SMC6: variants seen among roughly 807,000 people sequenced by gnomAD.
The protein encoded by SMC6 is structural maintenance of chromosomes 6.
Under a neutral mutation model 142.2 loss-of-function variants are expected in SMC6, and 79 were observed. That is an observed-to-expected ratio of 0.56 (90% CI 0.46 to 0.67). The LOEUF is 0.67. Among genes scored for constraint, SMC6 ranks in the 30% least tolerant of loss-of-function variants. SMC6 has a pLI of 0.00. For synonymous variants in SMC6, 411 were observed against 412.4 expected, an observed-to-expected ratio of 1.00 and a Z score of 0.04; for missense variants, 1,072 against 1,284.0, an observed-to-expected ratio of 0.83 and a Z score of 2.52.
intron 2 of SMC6, among the ~76,000 whole-genome samples, chr2:17,751,311 T>C (rs1211858653): frequency 1.3e-5 from 2 of 151,678 alleles, no homozygotes; most frequent in Non-Finnish European, 2.9e-5. Flanking sequence ...TGAAACCCCA[T>C]CTCTACTAAA....
intron 27 of SMC6, 127 bp downstream of exon 27, chr2:17,666,292 CA>C: frequency 1.6e-6 from 1 of 629,740 alleles, no homozygotes; most frequent in South Asian, 2.3e-5. Flanking sequence ...TCTCCTGAAC[CA>C]GTAGGGGAGC....
chr2:17,678,749 C>G (rs1162187978), intron 25 of SMC6, 110 bp downstream of exon 25: 1 of 740,014 alleles, frequency 1.4e-6, no homozygotes. Flanking sequence ...GCACTCCAGC[C>G]TGGGCAACAG....
intron 27 of SMC6, 117 bp downstream of exon 27, chr2:17,666,303 C>G (rs1014101295): frequency 8.7e-6 from 6 of 691,762 alleles, no homozygotes; most frequent in Admixed American, 2.8e-5. Flanking sequence ...AGTAGGGGAG[C>G]TAATTTTTAT....
chr2:17,740,294 T>G (rs1670376722), intron 4 of SMC6, among the ~76,000 whole-genome samples: 1 of 152,198 alleles, frequency 6.6e-6, no homozygotes, highest in Non-Finnish European at 1.5e-5. Context: ...GACTGAATGA[T>G]AAAGTAAGAA....
intron 4 of SMC6, among the ~76,000 whole-genome samples, chr2:17,739,855 C>CACACAG (rs1437660424): frequency 7.0e-6 from 1 of 143,410 alleles, no homozygotes; most frequent in Non-Finnish European, 1.5e-5. Flanking sequence ...GACACACACA[C>CACACAG]ACACACACAC....
chr2:17,677,872 G>A (rs867102076), intron 25 of SMC6, among the ~76,000 whole-genome samples: 12 of 152,198 alleles, frequency 7.9e-5, no homozygotes, highest in Middle Eastern at 6.8e-3. Flanking sequence ...CAAAAAAGAT[G>A]TTCCAAAAAT....
rs1317127471 is a variant in SMC6, at chr2:17,666,452, T to C, written c.3129A>G (p.Arg1043=). ...ILKMADSQRF[R]QFILLTPQSM... ...TTTGAGGTGTGAGCAAGATAAACTGTCTAAAACGCTGGGAATCTGCCATCT... is the reference window on the plus strand; with the variant it reads ...TTTGAGGTGTGAGCAAGATAAACTGCCTAAAACGCTGGGAATCTGCCATCT... Residue 1043 remains arginine (R), a synonymous_variant, in exon 27 of 28, where the codon AGA becomes AGG. Coordinates refer to ENST00000448223, the MANE Select transcript of SMC6 (RefSeq NM_001142286.2). The C allele has an allele frequency of 1.9e-6, 3 of 1,613,774 alleles. No individual in the cohort carries two copies. Among genetic ancestry groups the C allele is most frequent in the African/African-American group, 1.3e-5 (1 of 74,932 alleles).
At position 17,745,836 on chromosome 2, in the gene SMC6, A is replaced by T; in HGVS notation, c.111T>A (p.Gly37=). Residue 37 remains glycine, a synonymous_variant, in exon 3 of 28, where the codon GGT becomes GGA. Transcript: ENST00000448223. ...DKDGDEDECK[G]TTLTAAEVGI... is the part of the protein sequence containing the mutation. ...GTAATTTTTCGCTTACCAAAGTAGTACCTTTACATTCGTCTTCGTCACCAT... is the reference window on the plus strand; with the variant it reads ...GTAATTTTTCGCTTACCAAAGTAGTTCCTTTACATTCGTCTTCGTCACCAT... 1 of 1,609,378 alleles carries T rather than the reference A, an allele frequency of 6.2e-7. No individual in the cohort carries two copies. The highest frequency in any genetic ancestry group is 8.5e-7 in the Non-Finnish European group (1 of 1,178,434).
In SMC6 at chr2:17,716,759, T is replaced by C. The variant is rs535788427; in HGVS notation, c.1328A>G (p.Glu443Gly). 4 of 1,606,534 alleles carry C rather than the reference T, an allele frequency of 2.5e-6. No homozygotes were observed. The Admixed American group carries it at 6.9e-5, about 28-fold the overall frequency. The change falls in exon 14 of 28, where the codon GAA becomes GGA. Residue 443 changes from glutamate (E) to glycine (G), a missense_variant. Glu to Gly is a moderately conservative substitution (Grantham distance 98). Transcript: ENST00000448223. Reference sequence around the variant, plus strand: ...AACTTACTTAATTTTGCCATGTTCTTCTTTGTCCTTTTCTATGGCTTGCTG... The same window carrying C: ...AACTTACTTAATTTTGCCATGTTCTCCTTTGTCCTTTTCTATGGCTTGCTG... Reference protein sequence around the residue: ...QFQQAIEKDKEEHGKIKREEL... With the variant: ...QFQQAIEKDKGEHGKIKREEL...
rs892152578 is a variant in SMC6, at chr2:17,665,425, A to G, written c.*74T>C. ...AGAATGCCTCCAGTCTCATTTTATTATATCAAAGAGTCCAGAATTTTTTTT... is the reference window on the plus strand; with the variant it reads ...AGAATGCCTCCAGTCTCATTTTATTGTATCAAAGAGTCCAGAATTTTTTTT... On this transcript the variant is annotated 3_prime_UTR_variant, in exon 28 of 28. Coordinates refer to ENST00000448223, the MANE Select transcript of SMC6 (RefSeq NM_001142286.2). 85 of 871,190 alleles carry G rather than the reference A, an allele frequency of 9.8e-5. No homozygotes were observed. The highest frequency in any genetic ancestry group is 1.2e-4 in the Non-Finnish European group (71 of 577,280). The allele number at this position is 871,190 out of a possible 1,614,324, so 54.0% of individuals were successfully genotyped here. A position where few individuals can be genotyped will look rare whatever the true frequency, so the allele number is the denominator to read the frequency against.
rs191224797 is a variant in SMC6, at chr2:17,715,086, C to T, written c.1526-21G>A. 4.3e-5 allele frequency: 69 copies of T among 1,604,756 alleles called. No individual in the cohort carries two copies. In the Admixed American group the frequency reaches 1.1e-3, roughly 27 times the overall value. On this transcript the variant is annotated intron_variant, in intron 15 of 27. Transcript: ENST00000448223. ...AGCTCCTAAAAGTGAGAGAAAATTA[C>T]AGAAGGGCTCATAAATACTTATTTT...
At position 17,753,324 on chromosome 2, in the gene SMC6, TGGGGACGGCCGCCTGGGA is replaced by T. The variant is rs1256894320; in HGVS notation, c.-92-278_-92-261del. Among the ~76,000 whole-genome samples, 76 of 123,670 alleles carry T rather than the reference TGGGGACGGCCGCCTGGGA, an allele frequency of 6.1e-4. 1 individual carries two copies. Among genetic ancestry groups the T allele is most frequent in the Middle Eastern group, 3.8e-3 (1 of 266 alleles). 81.1% of individuals were successfully genotyped at this position (123,670 alleles called of 152,430 possible). A position where few individuals can be genotyped will look rare whatever the true frequency, so the allele number is the denominator to read the frequency against. On this transcript the variant is annotated intron_variant, in intron 1 of 27. Coordinates refer to ENST00000448223, the MANE Select transcript of SMC6 (RefSeq NM_001142286.2). ...TTATTCGCCACAGCCCGGGAGAGTC[TGGGGACGGCCGCCTGGGA>T]GGGGACGGCCGCCTGGGAGGGGACG... is the stretch of plus-strand genomic sequence containing the variant.
chr2:17,684,076 C>A (rs1289727316), intron 23 of SMC6, among the ~76,000 whole-genome samples: 1 of 152,096 alleles, frequency 6.6e-6, no homozygotes, highest in Non-Finnish European at 1.5e-5. Context: ...CAAATACACA[C>A]CTTCAAAAAG....
chr2:17,679,099 T>C, intron 24 of SMC6, 135 bp from the exon 25 acceptor site: 1 of 588,570 alleles, frequency 1.7e-6, no homozygotes. Flanking sequence ...CATTTAATAG[T>C]TGAGTTTTAG....
chr2:17,745,021 C>A (rs1670670606), intron 3 of SMC6, among the ~76,000 whole-genome samples: 1 of 152,182 alleles, frequency 6.6e-6, no homozygotes, highest in South Asian at 2.1e-4. Flanking sequence ...TTATAAGGGA[C>A]TTCAGCATCA....
At chr2:17,702,774 CTCTT>C (rs1295238133) in intron 19 of SMC6, among the ~76,000 whole-genome samples, 1 of 152,104 alleles carries the variant, frequency 6.6e-6, no homozygotes, top group Non-Finnish European at 1.5e-5. Context: ...TTGCTTGGCT[CTCTT>C]TCTCTCATGG....
chr2:17,743,216 G>A (rs1670563917), intron 3 of SMC6, among the ~76,000 whole-genome samples: 1 of 152,156 alleles, frequency 6.6e-6, no homozygotes, highest in African/African-American at 2.4e-5. Context: ...ATATCTTGCT[G>A]AGGTTTTAAT....
intron 11 of SMC6, among the ~76,000 whole-genome samples, chr2:17,718,549 G>A (rs750858474): frequency 6.6e-6 from 1 of 152,020 alleles, no homozygotes; most frequent in African/African-American, 2.4e-5. Context: ...ACTAAAGTAG[G>A]GTACATTTAT....
At chr2:17,727,906 C>T (rs1301001074) in intron 7 of SMC6, among the ~76,000 whole-genome samples, 1 of 152,122 alleles carries the variant, frequency 6.6e-6, no homozygotes, top group Non-Finnish European at 1.5e-5. Flanking sequence ...TGACATGTTT[C>T]TTATTATATA....
Sources: allele counts gnomAD v4.1 joint callset (sites outside exome capture counted in the v4.1 genomes callset), GRCh38; gene constraint gnomAD v4.1.1; transcripts MANE v1.5; gene names NCBI Gene and HGNC (gene_info 2026-07-23, HGNC 2026-07-21).